Variants in ADCY1 observed in about 807,000 individuals in gnomAD.
ADCY1 encodes adenylate cyclase type 1.
Under a neutral mutation model 105.4 loss-of-function variants are expected in ADCY1, and 28 were observed. The observed-to-expected ratio is 0.27, with a 90% CI of 0.20 to 0.36. ADCY1 has a LOEUF of 0.36. ADCY1 is among the 10% of genes least tolerant of loss of function. ADCY1 has a pLI of 1.00. For missense variants in ADCY1, 977 were observed against 1,434.2 expected (o/e 0.68, Z 5.15); for synonymous variants, 655 against 623.8 (o/e 1.05, Z -0.75).
chr7:45,650,862 T>A (rs765179429), intron 5 of ADCY1, among the ~76,000 whole-genome samples: 3 of 152,208 alleles, frequency 2.0e-5, no homozygotes, highest in Non-Finnish European at 4.4e-5. Context: ...GCTCTGGTTC[T>A]GCACCTGGCC....
chr7:45,623,480 G>A (rs1212789784), intron 4 of ADCY1, among the ~76,000 whole-genome samples: 1 of 152,196 alleles, frequency 6.6e-6, no homozygotes, highest in African/African-American at 2.4e-5. Context: ...CCCACAGAAT[G>A]TGCTGTGTTT....
rs1393482419 is a variant in ADCY1 at position 45,721,723 on chromosome 7, T to G, written c.*7728T>G. ...GTTAGAGGATGTTCAAAGGGCCGAT[T>G]TCAGCAGGAGTTCAGAGGGCTTATG... On this transcript the variant is annotated 3_prime_UTR_variant, in exon 20 of 20. Coordinates refer to ENST00000297323, the MANE Select transcript of ADCY1 (RefSeq NM_021116.4). The G allele has an allele frequency of 7.5e-6, 3 of 398,548 alleles. No homozygotes were observed. Among genetic ancestry groups the G allele is most frequent in the Non-Finnish European group, 1.3e-5 (3 of 226,134 alleles). 24.7% of individuals were successfully genotyped at this position (398,548 alleles called of 1,614,324 possible).
chr7:45,593,865 A>G (rs754290411), intron 2 of ADCY1, among the ~76,000 whole-genome samples: 17 of 152,242 alleles, frequency 1.1e-4, no homozygotes, highest in Non-Finnish European at 2.9e-5. Context: ...AATAGATCAC[A>G]TATGTATGTT....
In ADCY1 at chr7:45,719,599, G is replaced by C. The variant is rs1387404450; in HGVS notation, c.*5604G>C. The C allele has an allele frequency of 1.3e-5, 2 of 152,164 alleles. No homozygotes were observed. The highest frequency in any genetic ancestry group is 2.9e-5 in the Non-Finnish European group (2 of 68,050). 9.4% of individuals were successfully genotyped at this position (152,164 alleles called of 1,614,324 possible). The stretch of plus-strand genomic sequence containing the variant: ...ACCTTAAAAAATAGATACTCCACTA[G>C]AGGCTGTGCTTAATTCAAATCCATG... On this transcript the variant is annotated 3_prime_UTR_variant, in exon 20 of 20. Coordinates refer to ENST00000297323, the MANE Select transcript of ADCY1 (RefSeq NM_021116.4).
intron 6 of ADCY1, among the ~76,000 whole-genome samples, chr7:45,658,670 T>G (rs563350731): frequency 6.6e-6 from 1 of 152,344 alleles, no homozygotes; most frequent in South Asian, 2.1e-4. Context: ...GCCGCTGTCT[T>G]CATTGCTGAT....
intron 9 of ADCY1, 33 bp downstream of exon 9, chr7:45,678,096 C>T (rs765701061): frequency 1.5e-5 from 25 of 1,613,750 alleles, no homozygotes; most frequent in Middle Eastern, 3.3e-4. Context: ...TTCCCTGGTG[C>T]TGCTTGCGAA....
At chr7:45,629,295 C>T (rs1191868459) in intron 4 of ADCY1, among the ~76,000 whole-genome samples, 1 of 152,118 alleles carries the variant, frequency 6.6e-6, no homozygotes, top group Non-Finnish European at 1.5e-5. Flanking sequence ...TACTTCATTC[C>T]TTTTCATTGC....
rs913304543 is a variant in ADCY1, at chr7:45,677,857, T to C, written c.1606-12T>C. 1.4e-5 allele frequency: 23 copies of C among 1,610,236 alleles called. No homozygotes were observed. The highest frequency in any genetic ancestry group is 1.9e-5 in the Non-Finnish European group (22 of 1,178,674). On this transcript the variant is annotated splice_polypyrimidine_tract_variant and intron_variant, in intron 8 of 19. Transcript: ENST00000297323. ...ATTTGATGATACTCCTTTATTTCCA[T>C]GATGGCTCCAGCGGAGGGCATTAAG...
intron 3 of ADCY1, among the ~76,000 whole-genome samples, chr7:45,612,482 A>G (rs1350340876): frequency 6.6e-6 from 1 of 152,190 alleles, no homozygotes; most frequent in Non-Finnish European, 1.5e-5. Context: ...CAAAATAAGG[A>G]CATGACACAC....
At chr7:45,700,539 G>T (rs571037958) in intron 14 of ADCY1, among the ~76,000 whole-genome samples, 1 of 152,220 alleles carries the variant, frequency 6.6e-6, no homozygotes, top group South Asian at 2.1e-4. Flanking sequence ...GCAAAGAGGG[G>T]TGTGTGCACC....
At position 45,703,547 on chromosome 7, in the gene ADCY1, C is replaced by T; in HGVS notation, c.2572-53C>T. 2 of 1,612,562 alleles carry T rather than the reference C, an allele frequency of 1.2e-6. No individual in the cohort carries two copies. On this transcript the variant is annotated intron_variant, in intron 15 of 19. Coordinates refer to ENST00000297323, the MANE Select transcript of ADCY1 (RefSeq NM_021116.4). This position sits in a 1 kb window ranked among gnomAD's most constrained non-coding sequence, Gnocchi z 5.9. Reference sequence around the variant, plus strand: ...CTAGCCCTACACTGCTCTGGCCACCCCACTTGGCGCTCACCTGGCTGACCC... The same window carrying T: ...CTAGCCCTACACTGCTCTGGCCACCTCACTTGGCGCTCACCTGGCTGACCC...
At position 45,720,599 on chromosome 7, in the gene ADCY1, CA is replaced by C. The variant is rs1562740282; in HGVS notation, c.*6605del. 4 of 151,908 alleles carry C rather than the reference CA, an allele frequency of 2.6e-5. No homozygotes were observed. Among genetic ancestry groups the C allele is most frequent in the Admixed American group, 1.3e-4 (2 of 15,252 alleles). The allele number at this position is 151,908 out of a possible 1,614,324, so 9.4% of individuals were successfully genotyped here. On this transcript the variant is annotated 3_prime_UTR_variant, in exon 20 of 20. Coordinates refer to ENST00000297323, the MANE Select transcript of ADCY1 (RefSeq NM_021116.4). ...CCTAATGCTGTGTTTTTGTACCTGA[CA>C]GGGGTCACTCATTTTAGGCACAACT...
intron 4 of ADCY1, among the ~76,000 whole-genome samples, chr7:45,636,255 G>A (rs1312431761): frequency 6.6e-6 from 1 of 152,122 alleles, no homozygotes; most frequent in Non-Finnish European, 1.5e-5. Flanking sequence ...ATAAAAAATG[G>A]CATAGTATTT....
At chr7:45,678,567 A>G (rs1328872095) in intron 10 of ADCY1, among the ~76,000 whole-genome samples, 1 of 152,122 alleles carries the variant, frequency 6.6e-6, no homozygotes, top group East Asian at 1.9e-4. Context: ...TCATCCATGC[A>G]ACATGCACCA....
intron 3 of ADCY1, among the ~76,000 whole-genome samples, chr7:45,620,888 G>A (rs1403441377): frequency 6.6e-6 from 1 of 152,100 alleles, no homozygotes; most frequent in African/African-American, 2.4e-5. Context: ...GTGTCTGTGT[G>A]CCCCTTTCCC....
At chr7:45,578,945 T>G (rs1270497566) in intron 1 of ADCY1, among the ~76,000 whole-genome samples, 1 of 152,242 alleles carries the variant, frequency 6.6e-6, no homozygotes, top group Non-Finnish European at 1.5e-5. Flanking sequence ...ATTTCGTTGC[T>G]TATCAATGTA....
chr7:45,585,198 G>A (rs939528408), intron 1 of ADCY1, among the ~76,000 whole-genome samples: 15 of 152,188 alleles, frequency 9.9e-5, no homozygotes, highest in African/African-American at 2.9e-4. Flanking sequence ...ATACTTGTTC[G>A]TTGAACTTGT....
At chr7:45,664,636 G>A (rs541651748) in intron 8 of ADCY1, 60 of 700,862 alleles carry the variant, frequency 8.6e-5, no homozygotes, top group African/African-American at 8.0e-4. Context: ...TTAAGTTTGT[G>A]TGTCTGTATT....
In ADCY1 at chr7:45,648,844, A is replaced by G. The variant is rs763616744; in HGVS notation, c.1148+47A>G. On this transcript the variant is annotated intron_variant, in intron 5 of 19. Transcript: ENST00000297323. ...GAGGAGTGGCCTGGGGCATCTACAC[A>G]TTGAAATCCTAGAAGCTGAGCCACC... 8 of 1,601,266 alleles carry G rather than the reference A, an allele frequency of 5.0e-6. No homozygotes were observed. The African/African-American group carries it at 9.4e-5, about 19-fold the overall frequency.
Sources: allele counts gnomAD v4.1 joint callset (sites outside exome capture counted in the v4.1 genomes callset), GRCh38; gene constraint gnomAD v4.1.1; non-coding constraint Gnocchi (gnomAD v3.1); transcripts MANE v1.5; gene names NCBI Gene and HGNC (gene_info 2026-07-23, HGNC 2026-07-21).